The following ARHGAP42 variants were observed in gnomAD, a reference collection of about 807,000 sequenced individuals.
The protein encoded by ARHGAP42 is Rho GTPase activating protein 42, also known as rho GTPase-activating protein 42.
Under a neutral mutation model 125.0 loss-of-function variants are expected in ARHGAP42, and 63 were observed. That is an observed-to-expected ratio of 0.50 (90% CI 0.41 to 0.62). The LOEUF is 0.62. Ranked by LOEUF, ARHGAP42 falls within the 20% of genes least tolerant of loss-of-function variation. The pLI, the probability that ARHGAP42 is intolerant of heterozygous loss-of-function variation, is 0.00. For missense variants in ARHGAP42, 766 were observed against 1,024.2 expected (o/e 0.75, Z 3.44); for synonymous variants, 339 against 351.0 (o/e 0.97, Z 0.38).
chr11:100,750,992 G>A (rs1862437194), intron 1 of ARHGAP42, among the ~76,000 whole-genome samples: 1 of 146,952 alleles, frequency 6.8e-6, no homozygotes. Context: ...AGGCTGGAGT[G>A]CAATGGCATG....
intron 4 of ARHGAP42, among the ~76,000 whole-genome samples, chr11:100,861,920 G>A (rs899474211): frequency 6.6e-6 from 1 of 152,080 alleles, no homozygotes; most frequent in East Asian, 1.9e-4. Context: ...AGAGTGAGAC[G>A]GGAAGAGGAC....
intron 3 of ARHGAP42, among the ~76,000 whole-genome samples, chr11:100,843,502 G>A (rs147392464): frequency 6.6e-6 from 1 of 152,056 alleles, no homozygotes; most frequent in African/African-American, 2.4e-5. Flanking sequence ...AGGTAAAGAA[G>A]AAATCAAACT....
chr11:100,704,959 G>T (rs1861454781), intron 1 of ARHGAP42, among the ~76,000 whole-genome samples: 1 of 116,914 alleles, frequency 8.6e-6, no homozygotes. Flanking sequence ...GCCTGGGTGA[G>T]CCTGGGTGAG....
intron 4 of ARHGAP42, among the ~76,000 whole-genome samples, chr11:100,896,284 AT>A (rs1866361087): frequency 1.3e-5 from 2 of 152,172 alleles, no homozygotes; most frequent in Non-Finnish European, 2.9e-5. Flanking sequence ...TCTATTGTGA[AT>A]AGTGCCACAA....
intron 21 of ARHGAP42, among the ~76,000 whole-genome samples, chr11:100,977,236 A>C (rs78163206): frequency 0.014 from 2,140 of 152,304 alleles, 52 homozygotes; most frequent in African/African-American, 0.049. Flanking sequence ...AGGAAATGAA[A>C]ACTGATGTAT....
Position 100,949,822 on chromosome 11 carries a change from C to G in ARHGAP42, c.1123-95C>G, listed in dbSNP as rs946692066. ...GTTGTAGGACCTTGAAATCAAGACA[C>G]TCTTTTCATCTATTAGTGTACAGAT... On this transcript the variant is annotated intron_variant, in intron 11 of 23. Coordinates refer to ENST00000298815, the MANE Select transcript of ARHGAP42 (RefSeq NM_152432.4). 3 of 752,424 alleles carry G rather than the reference C, an allele frequency of 4.0e-6. No individual in the cohort carries two copies. The East Asian group carries it at 9.9e-5, about 25-fold the overall frequency. 46.6% of individuals were successfully genotyped at this position (752,424 alleles called of 1,614,324 possible). A position where few individuals can be genotyped will look rare whatever the true frequency, so the allele number is the denominator to read the frequency against.
chr11:100,919,703 G>C (rs774749269), intron 5 of ARHGAP42, among the ~76,000 whole-genome samples: 5 of 152,018 alleles, frequency 3.3e-5, no homozygotes, highest in Non-Finnish European at 7.4e-5. Context: ...TATCCAGCCT[G>C]ACATTATCTT....
chr11:100,760,676 A>G (rs550083274), intron 1 of ARHGAP42, among the ~76,000 whole-genome samples: 2 of 152,060 alleles, frequency 1.3e-5, no homozygotes, highest in East Asian at 1.9e-4. Context: ...ACCCCAGCCC[A>G]GGTGACAGAG....
intron 7 of ARHGAP42, 114 bp downstream of exon 7, chr11:100,933,374 C>A: frequency 1.6e-6 from 1 of 629,402 alleles, no homozygotes; most frequent in Non-Finnish European, 2.5e-6. Flanking sequence ...CCACAAAACC[C>A]TAATCTTAGT....
At chr11:100,802,438 T>TG (rs1415163407) in intron 3 of ARHGAP42, among the ~76,000 whole-genome samples, 1 of 150,484 alleles carries the variant, frequency 6.6e-6, no homozygotes, top group Non-Finnish European at 1.5e-5. Context: ...TTTTTTTTTT[T>TG]TTTTGAGGCA....
At chr11:100,887,884 C>T (rs1287297211) in intron 4 of ARHGAP42, among the ~76,000 whole-genome samples, 4 of 152,196 alleles carry the variant, frequency 2.6e-5, no homozygotes, top group South Asian at 4.1e-4. Flanking sequence ...TTCTCACAGG[C>T]AGTGCTAGCT....
intron 2 of ARHGAP42, among the ~76,000 whole-genome samples, chr11:100,788,845 A>G (rs1863495133): frequency 6.6e-6 from 1 of 152,200 alleles, no homozygotes; most frequent in African/African-American, 2.4e-5. Flanking sequence ...AAAATTTACC[A>G]TTGGATACAG....
At chr11:100,748,260 T>G (rs34215401) in intron 1 of ARHGAP42, among the ~76,000 whole-genome samples, 1 of 152,228 alleles carries the variant, frequency 6.6e-6, no homozygotes, top group Non-Finnish European at 1.5e-5. Flanking sequence ...CTTAGCTGAG[T>G]GCAAACAGCT....
At chr11:100,708,299 C>A (rs1861510013) in intron 1 of ARHGAP42, among the ~76,000 whole-genome samples, 1 of 152,072 alleles carries the variant, frequency 6.6e-6, no homozygotes. Context: ...ATTGTTTGAA[C>A]CCAGGGGTTG....
In ARHGAP42 at chr11:100,837,264, T is replaced by C. The variant is rs536275065; in HGVS notation, c.313-22290T>C. Among the ~76,000 whole-genome samples, 7 of 152,228 alleles carry C rather than the reference T, an allele frequency of 4.6e-5. No individual in the cohort carries two copies. The South Asian group carries it at 1.5e-3, about 32-fold the overall frequency. The stretch of plus-strand genomic sequence containing the variant: ...ATACCTACAGTGCAGTTATCCAAAT[T>C]AGGAAGTTTAACACAGGTAGACTAC... On this transcript the variant is annotated intron_variant, in intron 3 of 23. Transcript: ENST00000298815.
chr11:100,901,898 G>A (rs1484800363), intron 4 of ARHGAP42, among the ~76,000 whole-genome samples: 1 of 152,182 alleles, frequency 6.6e-6, no homozygotes, highest in Non-Finnish European at 1.5e-5. Flanking sequence ...GCCCTGCTTT[G>A]GCTCGCCCTC....
chr11:100,704,723 C>A (rs12291857), intron 1 of ARHGAP42, among the ~76,000 whole-genome samples: 37,193 of 151,324 alleles, frequency 0.25, 4,804 homozygotes, highest in Non-Finnish European at 0.26. Flanking sequence ...CTTTGGGAGA[C>A]CAAGGAGGGA....
At chr11:100,827,016 T>TTA (rs907473869) in intron 3 of ARHGAP42, among the ~76,000 whole-genome samples, 2 of 144,802 alleles carry the variant, frequency 1.4e-5, no homozygotes, top group African/African-American at 5.1e-5. Flanking sequence ...TTTTTTTTTT[T>TTA]TTTTTTTTTT....
rs373059302 is a variant in ARHGAP42 at position 100,837,666 on chromosome 11, C to CTTTTTTTTTTTTTTTTTTTTTTTTT, written c.313-21881_313-21857dup. ...CAGTTCCCAGAATCTAGGTGTCATC[C>CTTTTTTTTTTTTTTTTTTTTTTTTT]TTTTTTTTTTTTTTTTTTTTTTTTT... On this transcript the variant is annotated intron_variant, in intron 3 of 23. Coordinates refer to ENST00000298815, the MANE Select transcript of ARHGAP42 (RefSeq NM_152432.4). Among the ~76,000 whole-genome samples, 15 of 61,044 alleles carry CTTTTTTTTTTTTTTTTTTTTTTTTT rather than the reference C, an allele frequency of 2.5e-4. 1 individual carries two copies. The highest frequency in any genetic ancestry group is 5.9e-4 in the East Asian group (1 of 1,706). The allele number at this position is 61,044 out of a possible 152,430, so 40.0% of individuals were successfully genotyped here. A position where few individuals can be genotyped will look rare whatever the true frequency, so the allele number is the denominator to read the frequency against.
Sources: gnomAD v4.1 joint callset for allele counts (sites outside exome capture counted in the v4.1 genomes callset) on GRCh38, gnomAD v4.1.1 for gene constraint, MANE v1.5 for transcripts, NCBI Gene and HGNC (gene_info 2026-07-23, HGNC 2026-07-21) for gene names.